Variants in LPL observed in about 807,000 individuals in gnomAD.
LPL encodes the protein phospholipase A1.
In LPL, 43 loss-of-function variants were observed where a neutral mutation model predicts 52.2. The ratio of observed to expected loss-of-function variants is 0.82; its 90% confidence interval spans 0.64 to 1.06. The LOEUF (loss-of-function observed/expected upper bound fraction) is 1.06. Among genes scored for constraint, LPL ranks in the 50% least tolerant of loss-of-function variants. The pLI is 0.00. For missense variants in LPL, 639 were observed against 585.3 expected (o/e 1.09, Z -0.95); for synonymous variants, 244 against 215.6 (o/e 1.13, Z -1.15).
chr8:19,954,459 T>G (rs2069965466), intron 5 of LPL, 106 bp downstream of exon 5: 12 of 1,106,194 alleles, frequency 1.1e-5, no homozygotes, highest in Non-Finnish European at 1.6e-5. Flanking sequence ...ATATACACAT[T>G]TGGCCAAATT....
chr8:19,939,540 G>A lies in LPL; in HGVS notation c.88+12G>A. 3 of 1,604,590 alleles carry A rather than the reference G, an allele frequency of 1.9e-6. No homozygotes were observed. Among genetic ancestry groups the A allele is most frequent in the Non-Finnish European group, 2.5e-6 (3 of 1,176,558 alleles). On this transcript the variant is annotated intron_variant, in intron 1 of 9. Coordinates refer to ENST00000650287, the MANE Select transcript of LPL (RefSeq NM_000237.3). This position sits in a 1 kb window ranked among gnomAD's most constrained non-coding sequence, Gnocchi z 4.0. ...GGCCGCCGCCGACCGTAAGTTTTGCGCGCAAACTCCCCTCCACCTGCAGAC... is the reference window on the plus strand; with the variant it reads ...GGCCGCCGCCGACCGTAAGTTTTGCACGCAAACTCCCCTCCACCTGCAGAC...
intron 6 of LPL, among the ~76,000 whole-genome samples, chr8:19,959,055 G>A (rs1017494575): frequency 2.6e-5 from 4 of 152,160 alleles, no homozygotes; most frequent in African/African-American, 7.2e-5. Flanking sequence ...TTTTCTGAAA[G>A]GGAGTAGAAT....
chr8:19,955,587 C>G (rs1249768510), intron 5 of LPL, among the ~76,000 whole-genome samples: 1 of 152,068 alleles, frequency 6.6e-6, no homozygotes. Flanking sequence ...GCTTCATAAA[C>G]ATACTCATAA....
intron 1 of LPL, among the ~76,000 whole-genome samples, chr8:19,940,980 A>G (rs1242308463): frequency 6.6e-6 from 1 of 152,120 alleles, no homozygotes; most frequent in East Asian, 1.9e-4. Context: ...CTGTGGTCCC[A>G]GATAGTCAGC....
chr8:19,960,123 G>A (rs961563773), intron 7 of LPL, among the ~76,000 whole-genome samples: 5 of 151,968 alleles, frequency 3.3e-5, no homozygotes, highest in African/African-American at 1.2e-4. Flanking sequence ...ATAAAAGTAA[G>A]GCAACTTGAT....
rs1431991406 is a variant in LPL at position 19,944,287 on chromosome 8, G to C, written c.89-3893G>C. ...ATATCTGAACAGACCAATCAATTCA[G>C]TCTGATCATGATATTGATGTTTTTC... is the stretch of plus-strand genomic sequence containing the variant. On this transcript the variant is annotated intron_variant, in intron 1 of 9. Transcript: ENST00000650287. The surrounding 1 kb of genome is among the most constrained non-coding windows in gnomAD (Gnocchi z 4.2). Among the ~76,000 whole-genome samples the C allele has an allele frequency of 6.6e-6, 1 of 152,200 alleles. No homozygotes were observed. The highest frequency in any genetic ancestry group is 1.5e-5 in the Non-Finnish European group (1 of 68,048).
rs140195431 is a variant in LPL at position 19,945,049 on chromosome 8, G to A, written c.89-3131G>A. On this transcript the variant is annotated intron_variant, in intron 1 of 9. Coordinates refer to ENST00000650287, the MANE Select transcript of LPL (RefSeq NM_000237.3). Reference sequence around the variant, plus strand: ...TCCTCTTCTTTCTCAATTCTAAGGTGGCCTTAATTTCTAAGGGACATGGCA... The same window carrying A: ...TCCTCTTCTTTCTCAATTCTAAGGTAGCCTTAATTTCTAAGGGACATGGCA... Among the ~76,000 whole-genome samples the A allele has an allele frequency of 1.0e-3, 153 of 151,964 alleles. 3 individuals carry two copies. The East Asian group carries it at 0.024, about 24-fold the overall frequency.
At position 19,966,377 on chromosome 8, in the gene LPL, T is replaced by G. The variant is rs2070089665; in HGVS notation, c.*1067T>G. The G allele has an allele frequency of 6.6e-6, 1 of 152,098 alleles. No homozygotes were observed. 9.4% of individuals were successfully genotyped at this position (152,098 alleles called of 1,614,324 possible). On this transcript the variant is annotated 3_prime_UTR_variant, in exon 10 of 10. Coordinates refer to ENST00000650287, the MANE Select transcript of LPL (RefSeq NM_000237.3). ...TTTACTAAGTAAAAGGGTGGAGAGG[T>G]TCCTGGGGTGGATTCCTAAGCAGTG...
At chr8:19,948,588 C>T (rs1279521779) in intron 2 of LPL, 5 of 470,988 alleles carry the variant, frequency 1.1e-5, no homozygotes, top group African/African-American at 3.9e-5. Context: ...GAGCTTCCTG[C>T]GAGGTTGGTA....
intron 1 of LPL, among the ~76,000 whole-genome samples, chr8:19,940,018 T>C (rs1056104967): frequency 6.6e-6 from 1 of 152,134 alleles, no homozygotes; most frequent in Admixed American, 6.5e-5. Flanking sequence ...TGGCCCCTTC[T>C]GGGGAAGCCG....
chr8:19,941,035 T>G (rs1394977538), intron 1 of LPL, among the ~76,000 whole-genome samples: 1 of 152,172 alleles, frequency 6.6e-6, no homozygotes, highest in Non-Finnish European at 1.5e-5. Context: ...TAGACTGCAG[T>G]GAGCTGTGAT....
chr8:19,966,940 G>T lies in LPL; in HGVS notation c.*1630G>T, dbSNP rs184244114. The T allele has an allele frequency of 1.4e-4, 22 of 152,670 alleles. No homozygotes were observed. The highest frequency in any genetic ancestry group is 1.1e-3 in the Admixed American group (17 of 15,288). 9.5% of individuals were successfully genotyped at this position (152,670 alleles called of 1,614,324 possible). ...GCATTAACTTAAAAGATTCACTAAA[G>T]CAGCACATAGCACTGGGAACTCTGG... On this transcript the variant is annotated 3_prime_UTR_variant, in exon 10 of 10. Transcript: ENST00000650287.
In LPL at chr8:19,961,040, G is replaced by A. The variant is rs5934; in HGVS notation, c.1279G>A (p.Ala427Thr). 2.1e-3 allele frequency: 3,369 copies of A among 1,614,058 alleles called. 40 individuals are homozygous for A. The African/African-American group carries it at 0.03, about 14-fold the overall frequency. ...WSDWWSSPGF[A>T]IQKIRVKAGE... ...AGACTGGTGGAGCAGTCCCGGCTTC[G>A]CCATTCAGAAGATCAGAGTAAAAGC... Residue 427 changes from alanine (A) to threonine (T), a missense_variant, in exon 8 of 10, where the codon GCC becomes ACC. Physicochemically the swap from Ala to Thr is moderately conservative, Grantham distance 58 (BLOSUM62 0). Coordinates refer to ENST00000650287, the MANE Select transcript of LPL (RefSeq NM_000237.3).
rs1407753327 is a variant in LPL, at chr8:19,960,965, C to T, written c.1204C>T (p.Leu402=). Residue 402 remains leucine, a synonymous_variant, in exon 8 of 10, where the codon CTA becomes TTA. Transcript: ENST00000650287. ...TTACACAGAGGTAGATATTGGAGAA[C>T]TACTCATGTTGAAGCTCAAATGGAA... The part of the protein sequence containing the change: ...LIYTEVDIGE[L]LMLKLKWKSD... 6.2e-7 allele frequency: 1 copy of T among 1,613,996 alleles called. No individual in the cohort carries two copies. Among genetic ancestry groups the T allele is most frequent in the Non-Finnish European group, 8.5e-7 (1 of 1,179,894 alleles).
chr8:19,965,292 T>A lies in LPL; in HGVS notation c.*-18T>A. ...TCAGAAGATAATAAATTGCCCTTTT[T>A]CCTGTGCTTTTTCTCAGAAACTGGG... On this transcript the variant is annotated intron_variant, in intron 9 of 9. Transcript: ENST00000650287. 1.3e-6 allele frequency: 1 copy of A among 780,818 alleles called. No homozygotes were observed. The highest frequency in any genetic ancestry group is 2.4e-6 in the Non-Finnish European group (1 of 418,036). 48.4% of individuals were successfully genotyped at this position (780,818 alleles called of 1,614,324 possible).
Position 19,950,009 on chromosome 8 carries a change from G to A in LPL, c.249+1669G>A, listed in dbSNP as rs752988945. Among the ~76,000 whole-genome samples the A allele has an allele frequency of 1.3e-4, 20 of 152,144 alleles. No individual in the cohort carries two copies. Among genetic ancestry groups the A allele is most frequent in the Non-Finnish European group, 2.5e-4 (17 of 68,034 alleles). On this transcript the variant is annotated intron_variant, in intron 2 of 9. Coordinates refer to ENST00000650287, the MANE Select transcript of LPL (RefSeq NM_000237.3). The surrounding 1 kb of genome is among the most constrained non-coding windows in gnomAD (Gnocchi z 4.2). Reference sequence around the variant, plus strand: ...ATGACCAACCCAATATCAACAGACGGTGCCACTTCCTATCATTGGTCCTAC... The same window carrying A: ...ATGACCAACCCAATATCAACAGACGATGCCACTTCCTATCATTGGTCCTAC...
Position 19,948,244 on chromosome 8 carries a change from G to T in LPL, c.153G>T (p.Glu51Asp). ...FALRTPEDTA[E>D]DTCHLIPGVA... is the part of the protein sequence containing the mutation. ...TAAGGACCCCTGAAGACACAGCTGAGGACACTTGCCACCTCATTCCCGGAG... is the reference window on the plus strand; with the variant it reads ...TAAGGACCCCTGAAGACACAGCTGATGACACTTGCCACCTCATTCCCGGAG... Residue 51 changes from glutamate to aspartate, a missense_variant, in exon 2 of 10, where the codon GAG becomes GAT. Transcript: ENST00000650287. 6.2e-7 allele frequency: 1 copy of T among 1,614,114 alleles called. No homozygotes were observed. Among genetic ancestry groups the T allele is most frequent in the Non-Finnish European group, 8.5e-7 (1 of 1,180,022 alleles).
chr8:19,956,999 T>C (rs2069991726), intron 6 of LPL, among the ~76,000 whole-genome samples: 1 of 152,136 alleles, frequency 6.6e-6, no homozygotes, highest in Admixed American at 6.5e-5. Context: ...AATTTTTGTA[T>C]TTTTAGTAGA....
intron 1 of LPL, among the ~76,000 whole-genome samples, chr8:19,946,344 G>A (rs1207901217): frequency 1.3e-5 from 2 of 152,114 alleles, no homozygotes; most frequent in Non-Finnish European, 2.9e-5. Flanking sequence ...GTGTGCACGT[G>A]TGTGTGTATG....
Sources: gnomAD v4.1 joint callset for allele counts (sites outside exome capture counted in the v4.1 genomes callset) on GRCh38, gnomAD v4.1.1 for gene constraint, Gnocchi (gnomAD v3.1) non-coding constraint, MANE v1.5 for transcripts, NCBI Gene and HGNC (gene_info 2026-07-23, HGNC 2026-07-21) for gene names.